PAM: variants seen among roughly 807,000 people sequenced by gnomAD.
The protein encoded by PAM is peptidyl-glycine alpha-amidating monooxygenase.
Under a neutral mutation model 122.1 loss-of-function variants are expected in PAM, and 72 were observed. The observed-to-expected ratio is 0.59, with a 90% CI of 0.49 to 0.72. PAM has a LOEUF of 0.72. Among genes scored for constraint, PAM ranks in the 30% least tolerant of loss-of-function variants. The probability of loss-of-function intolerance (pLI) is 0.00; values close to 1 mark genes in which losing one functional copy is unlikely to be tolerated. For synonymous variants in PAM, 389 were observed against 404.4 expected, an observed-to-expected ratio of 0.96 and a Z score of 0.46; for missense variants, 1,106 against 1,183.7, an observed-to-expected ratio of 0.93 and a Z score of 0.96.
intron 20 of PAM, among the ~76,000 whole-genome samples, chr5:103,008,561 A>G (rs193045173): frequency 1.3e-4 from 20 of 152,254 alleles, no homozygotes; most frequent in African/African-American, 4.8e-4. Context: ...TTAAAGCAGC[A>G]TTGACTATTT....
Position 102,810,922 on chromosome 5 carries a change from C to T in PAM, c.-373-54901C>T, listed in dbSNP as rs146127509. On this transcript the variant is annotated intron_variant, in intron 1 of 25. Transcript: ENST00000438793. ...ATGGACTTGGAAATAAACATTTTGT[C>T]CAGTGGTAGGAGAAGCTTGGGTTGT... Among the ~76,000 whole-genome samples, 1,295 of 152,172 alleles carry T rather than the reference C, an allele frequency of 8.5e-3. 17 individuals carry two copies. The highest frequency in any genetic ancestry group is 0.03 in the African/African-American group (1,252 of 41,512).
intron 16 of PAM, among the ~76,000 whole-genome samples, chr5:102,993,718 G>A (rs965032033): frequency 4.6e-5 from 7 of 151,958 alleles, no homozygotes; most frequent in African/African-American, 1.7e-4. Context: ...TTTTCTGTGG[G>A]GTGGCTCCAT....
intron 7 of PAM, among the ~76,000 whole-genome samples, chr5:102,945,206 A>G (rs973353636): frequency 6.6e-6 from 1 of 152,008 alleles, no homozygotes; most frequent in Admixed American, 6.6e-5. Context: ...GTGCTAATCT[A>G]TTGAGTATTA....
At chr5:103,009,990 AG>A (rs1335706480) in intron 21 of PAM, 124 bp downstream of exon 21, 1 of 399,724 alleles carries the variant, frequency 2.5e-6, no homozygotes, top group African/African-American at 2.1e-5. Context: ...TAACTTTCTT[AG>A]CAAGGTTGAT....
At chr5:102,963,165 G>A (rs1227355889) in intron 14 of PAM, among the ~76,000 whole-genome samples, 1 of 151,826 alleles carries the variant, frequency 6.6e-6, no homozygotes, top group Non-Finnish European at 1.5e-5. Flanking sequence ...CATAGTCTGT[G>A]TATGATCCTA....
intron 15 of PAM, among the ~76,000 whole-genome samples, chr5:102,984,858 A>G (rs189534700): frequency 5.9e-5 from 9 of 152,318 alleles, no homozygotes; most frequent in African/African-American, 2.2e-4. Flanking sequence ...ACAAAATTTT[A>G]AAAATAGAAA....
At chr5:102,998,897 G>A (rs1776533917) in intron 16 of PAM, among the ~76,000 whole-genome samples, 1 of 152,136 alleles carries the variant, frequency 6.6e-6, no homozygotes, top group African/African-American at 2.4e-5. Flanking sequence ...TCCTTCTCAT[G>A]CTGCTAATAA....
chr5:102,780,445 T>C (rs466986), intron 1 of PAM, among the ~76,000 whole-genome samples: 67,241 of 151,972 alleles, frequency 0.44, 15,249 homozygotes, highest in African/African-American at 0.53. Context: ...TAAAAAATAC[T>C]TGTGTTTTTA....
At chr5:102,923,654 T>C (rs1376038933) in intron 5 of PAM, among the ~76,000 whole-genome samples, 1 of 152,244 alleles carries the variant, frequency 6.6e-6, no homozygotes, top group Admixed American at 6.5e-5. Context: ...TACTACCATC[T>C]ATTAATGTGG....
intron 1 of PAM, among the ~76,000 whole-genome samples, chr5:102,761,637 T>C (rs1313972525): frequency 6.6e-6 from 1 of 152,252 alleles, no homozygotes; most frequent in Admixed American, 6.5e-5. Flanking sequence ...AGTACTCATT[T>C]GTAGTGCAGT....
intron 15 of PAM, among the ~76,000 whole-genome samples, chr5:102,979,631 G>A (rs955279760): frequency 5.3e-5 from 8 of 151,628 alleles, no homozygotes; most frequent in African/African-American, 1.7e-4. Context: ...TCAACTTTAG[G>A]TCTGTTAGTC....
In PAM at chr5:102,950,789, G is replaced by A; in HGVS notation, c.874G>A (p.Gly292Ser). 1 of 1,609,444 alleles carries A rather than the reference G, an allele frequency of 6.2e-7. No homozygotes were observed. The change falls in exon 12 of 26, where the codon GGT becomes AGT. Residue 292 changes from glycine (G) to serine (S), a missense_variant. By Grantham distance (56) the Gly-to-Ser change is moderately conservative. Coordinates refer to ENST00000438793, the MANE Select transcript of PAM (RefSeq NM_001177306.2). ...DLLAARCVFT[G>S]EGRTEATHIG... Reference sequence around the variant, plus strand: ...ACTGGCTGCAAGATGTGTATTCACTGGTGAAGGAAGGACAGAAGCCACACA... The same window carrying A: ...ACTGGCTGCAAGATGTGTATTCACTAGTGAAGGAAGGACAGAAGCCACACA...
intron 7 of PAM, among the ~76,000 whole-genome samples, chr5:102,927,648 C>G (rs114844572): frequency 6.6e-6 from 1 of 151,788 alleles, no homozygotes; most frequent in Admixed American, 6.6e-5. Flanking sequence ...GCATTCAGAA[C>G]GAGGACAGTA....
At chr5:102,830,027 A>G (rs1774968336) in intron 1 of PAM, among the ~76,000 whole-genome samples, 2 of 152,158 alleles carry the variant, frequency 1.3e-5, no homozygotes, top group Non-Finnish European at 2.9e-5. Flanking sequence ...AGCAACACGT[A>G]TAGATGTTTT....
chr5:102,778,412 A>C (rs993105196), intron 1 of PAM, among the ~76,000 whole-genome samples: 1 of 152,194 alleles, frequency 6.6e-6, no homozygotes, highest in African/African-American at 2.4e-5. Flanking sequence ...ACAAGTAAAC[A>C]AGAGGAAAAA....
chr5:102,816,148 G>A (rs1328625603), intron 1 of PAM, among the ~76,000 whole-genome samples: 1 of 152,092 alleles, frequency 6.6e-6, no homozygotes, highest in African/African-American at 2.4e-5. Flanking sequence ...TTTTTCAGAA[G>A]TGTTTACTCC....
At position 102,951,997 on chromosome 5, in the gene PAM, G is replaced by A. The variant is rs11955284; in HGVS notation, c.905+1177G>A. The stretch of plus-strand genomic sequence containing the variant: ...TCCCTTCTTAACAATCTTTACATGA[G>A]GTAACATGATTCAGAGGGTATCCAT... On this transcript the variant is annotated intron_variant, in intron 12 of 25. Coordinates refer to ENST00000438793, the MANE Select transcript of PAM (RefSeq NM_001177306.2). 8.0e-3 allele frequency among the ~76,000 whole-genome samples: 1,214 copies of A among 152,056 alleles called. 22 individuals carry two copies. The highest frequency in any genetic ancestry group is 0.027 in the African/African-American group (1,133 of 41,482).
At chr5:102,814,388 C>G (rs1005432145) in intron 1 of PAM, among the ~76,000 whole-genome samples, 3 of 151,954 alleles carry the variant, frequency 2.0e-5, no homozygotes, top group Admixed American at 6.6e-5. Context: ...AGAATACAAT[C>G]CAAGCAATTA....
intron 7 of PAM, among the ~76,000 whole-genome samples, chr5:102,937,983 G>A (rs1298382675): frequency 1.3e-5 from 2 of 152,078 alleles, no homozygotes; most frequent in Non-Finnish European, 2.9e-5. Flanking sequence ...CCCTTATCAT[G>A]TAGAGATATT....
Sources: allele counts gnomAD v4.1 joint callset (sites outside exome capture counted in the v4.1 genomes callset), GRCh38; gene constraint gnomAD v4.1.1; transcripts MANE v1.5; gene names NCBI Gene and HGNC (gene_info 2026-07-23, HGNC 2026-07-21).